TMTC2: variants seen among roughly 807,000 people sequenced by gnomAD.
TMTC2 encodes the protein protein O-mannosyl-transferase TMTC2.
TMTC2 carries 43 observed loss-of-function variants against 82.4 expected under a neutral mutation model. That is an observed-to-expected ratio of 0.52 (90% CI 0.41 to 0.67). TMTC2 has a LOEUF of 0.67. Among genes scored for constraint, TMTC2 ranks in the 30% least tolerant of loss-of-function variants. The probability of loss-of-function intolerance (pLI) is 0.00; values close to 1 mark genes in which losing one functional copy is unlikely to be tolerated. For missense variants in TMTC2, 919 were observed against 1,012.4 expected (o/e 0.91, Z 1.25); for synonymous variants, 408 against 381.9 (o/e 1.07, Z -0.80).
chr12:83,127,640 T>A, intron 11 of TMTC2, among the ~76,000 whole-genome samples: 1 of 152,150 alleles, frequency 6.6e-6, no homozygotes, highest in Non-Finnish European at 1.5e-5. Context: ...CCTTTTCTGT[T>A]ATTTTCTTTC....
intron 3 of TMTC2, among the ~76,000 whole-genome samples, chr12:82,918,694 AT>A (rs1485887274): frequency 6.7e-6 from 1 of 149,986 alleles, no homozygotes; most frequent in Non-Finnish European, 1.5e-5. Context: ...TTATCTTTTT[AT>A]TTTATCTTTT....
chr12:82,943,602 T>C (rs997237377), intron 4 of TMTC2, among the ~76,000 whole-genome samples: 4 of 152,246 alleles, frequency 2.6e-5, no homozygotes, highest in Non-Finnish European at 5.9e-5. Context: ...GTGAAATTTA[T>C]CTTCCTGCCA....
intron 1 of TMTC2, among the ~76,000 whole-genome samples, chr12:82,695,909 G>GT (rs1872767827): frequency 1.3e-5 from 2 of 152,164 alleles, no homozygotes; most frequent in African/African-American, 4.8e-5. Flanking sequence ...TTGTAAATTG[G>GT]TTTTTGGCTA....
chr12:82,973,393 C>A (rs1415049065), intron 7 of TMTC2, among the ~76,000 whole-genome samples: 3 of 151,920 alleles, frequency 2.0e-5, no homozygotes, highest in Non-Finnish European at 4.4e-5. Context: ...GTTCGCCAGT[C>A]CAGAAAGGCA....
At chr12:82,747,731 G>T (rs1384793130) in intron 1 of TMTC2, among the ~76,000 whole-genome samples, 1 of 152,048 alleles carries the variant, frequency 6.6e-6, no homozygotes, top group East Asian at 1.9e-4. Flanking sequence ...CTATTATTTG[G>T]CATATCATGG....
intron 1 of TMTC2, among the ~76,000 whole-genome samples, chr12:82,764,718 T>C (rs1167541941): frequency 6.6e-6 from 1 of 152,004 alleles, no homozygotes; most frequent in Non-Finnish European, 1.5e-5. Flanking sequence ...TCTCCGAAGA[T>C]GATTTTGAGG....
intron 9 of TMTC2, among the ~76,000 whole-genome samples, chr12:83,045,753 C>CACACACACACACACACACACACACACA (rs1882096456): frequency 2.0e-5 from 1 of 50,836 alleles, no homozygotes. Flanking sequence ...ACACACACAC[C>CACACACACACACACACACACACACACA]AGGAGTGTCT....
Position 83,031,088 on chromosome 12 carries a change from A to G in TMTC2, c.2152+209A>G, listed in dbSNP as rs545303450. On this transcript the variant is annotated intron_variant, in intron 9 of 11. Coordinates refer to ENST00000321196, the MANE Select transcript of TMTC2 (RefSeq NM_152588.3). ...ATTTTCCTTTAGTAATTTTAATAGG[A>G]TTTTAACAGGGATGGCATTACACAG... Among the ~76,000 whole-genome samples, 3 of 152,126 alleles carry G rather than the reference A, an allele frequency of 2.0e-5. No homozygotes were observed. In the South Asian group the frequency reaches 6.2e-4, roughly 32 times the overall value.
At chr12:83,033,483 C>A (rs888492079) in intron 9 of TMTC2, among the ~76,000 whole-genome samples, 1 of 152,060 alleles carries the variant, frequency 6.6e-6, no homozygotes, top group Non-Finnish European at 1.5e-5. Flanking sequence ...TCGGGCACGG[C>A]GGCTCACGCC....
At chr12:82,951,613 G>A (rs186694794) in intron 4 of TMTC2, among the ~76,000 whole-genome samples, 3 of 152,160 alleles carry the variant, frequency 2.0e-5, no homozygotes, top group South Asian at 2.1e-4. Flanking sequence ...GAGCCACTGC[G>A]CCCAGCTGGA....
intron 7 of TMTC2, among the ~76,000 whole-genome samples, chr12:82,984,483 A>T (rs1470887634): frequency 1.3e-5 from 2 of 152,178 alleles, no homozygotes; most frequent in Admixed American, 6.5e-5. Flanking sequence ...ATTAAAACAA[A>T]AAGGAATGAG....
At chr12:83,051,688 A>T (rs1280384329) in intron 10 of TMTC2, among the ~76,000 whole-genome samples, 1 of 152,182 alleles carries the variant, frequency 6.6e-6, no homozygotes, top group Non-Finnish European at 1.5e-5. Context: ...AAATACAAGT[A>T]TACTTAAGGC....
intron 1 of TMTC2, among the ~76,000 whole-genome samples, chr12:82,750,241 C>CT (rs11383480): frequency 0.91 from 134,463 of 147,980 alleles, 62,285 homozygotes; most frequent in South Asian, 1. Context: ...AAAGTTTAAT[C>CT]TTTTTTTTTT....
intron 3 of TMTC2, among the ~76,000 whole-genome samples, chr12:82,912,855 C>T (rs1343423364): frequency 6.7e-6 from 1 of 150,352 alleles, no homozygotes; most frequent in Admixed American, 6.7e-5. Context: ...GGAGGATCAC[C>T]TGATCCTGGG....
chr12:82,798,111 A>G (rs1405724167), intron 1 of TMTC2, among the ~76,000 whole-genome samples: 2 of 150,380 alleles, frequency 1.3e-5, no homozygotes, highest in Non-Finnish European at 3.0e-5. Flanking sequence ...ACCTGCCAGG[A>G]CGCCCGGCTA....
chr12:82,735,562 G>A (rs374750209), intron 1 of TMTC2, among the ~76,000 whole-genome samples: 154 of 151,972 alleles, frequency 1.0e-3, no homozygotes, highest in African/African-American at 3.6e-3. Context: ...AGCCAGGATG[G>A]TCTCGATCTC....
intron 9 of TMTC2, among the ~76,000 whole-genome samples, chr12:83,043,386 T>C (rs375271): frequency 3.9e-5 from 6 of 152,206 alleles, no homozygotes; most frequent in African/African-American, 1.4e-4. Flanking sequence ...TTCCCTTTTA[T>C]GCACTCATCT....
chr12:82,897,661 G>A (rs551494423), intron 3 of TMTC2, among the ~76,000 whole-genome samples: 1 of 152,016 alleles, frequency 6.6e-6, no homozygotes, highest in East Asian at 1.9e-4. Flanking sequence ...GAGGCACTGA[G>A]ATTACAGGCG....
rs1204461620 is a variant in TMTC2 at position 83,061,797 on chromosome 12, A to C, written c.2297A>C (p.Lys766Thr). 6.3e-7 allele frequency: 1 copy of C among 1,597,120 alleles called. No homozygotes were observed. Among genetic ancestry groups the C allele is most frequent in the African/African-American group, 1.3e-5 (1 of 74,136 alleles). ...GCTAGCCTCAATGAAGCAGCTGAGA[A>C]GTATTATGATCTGGCAGCCAGGCTG... ...RQASLNEAAE[K>T]YYDLAARLRP... Residue 766 changes from lysine to threonine, a missense_variant, in exon 11 of 12, where the codon AAG becomes ACG. By Grantham distance (78) the Lys-to-Thr change is moderately conservative. Transcript: ENST00000321196.
Sources: gnomAD v4.1 joint callset for allele counts (sites outside exome capture counted in the v4.1 genomes callset) on GRCh38, gnomAD v4.1.1 for gene constraint, MANE v1.5 for transcripts, NCBI Gene and HGNC (gene_info 2026-07-23, HGNC 2026-07-21) for gene names.